The following COLEC10 variants were observed in gnomAD, a reference collection of about 807,000 sequenced individuals.
COLEC10 encodes the protein collectin subfamily member 10, also known as collectin-10.
In COLEC10, 22 loss-of-function variants were observed where a neutral mutation model predicts 28.4. That is an observed-to-expected ratio of 0.78 (90% CI 0.55 to 1.11). The LOEUF (loss-of-function observed/expected upper bound fraction) is 1.11. Among genes scored for constraint, COLEC10 ranks in the 50% least tolerant of loss-of-function variants. The probability of loss-of-function intolerance (pLI) is 0.00; values close to 1 mark genes in which losing one functional copy is unlikely to be tolerated. For synonymous variants in COLEC10, 125 were observed against 116.1 expected, an observed-to-expected ratio of 1.08 and a Z score of -0.49; for missense variants, 361 against 344.1, an observed-to-expected ratio of 1.05 and a Z score of -0.39.
At chr8:119,064,550 A>T (rs936994370), upstream of COLEC10, among the ~76,000 whole-genome samples, 104 of 152,354 alleles carry the variant, frequency 6.8e-4, no homozygotes, top group African/African-American at 2.5e-3. Context: ...TTACATGCCT[A>T]GTGGCAATTG....
chr8:118,953,794 T>C, the COLEC10 span, among the ~76,000 whole-genome samples: 1 of 152,220 alleles, frequency 6.6e-6, no homozygotes, highest in African/African-American at 2.4e-5. Context: ...TACTGGCCTT[T>C]GTAACCTAGA....
At chr8:119,101,870 C>A (rs1815835424) in intron 3 of COLEC10, among the ~76,000 whole-genome samples, 1 of 152,018 alleles carries the variant, frequency 6.6e-6, no homozygotes, top group South Asian at 2.1e-4. Context: ...ATAATAAGTA[C>A]AAAGACACTA....
At chr8:119,057,457 A>G (rs1375861691) in intron 2 of COLEC10, among the ~76,000 whole-genome samples, 3 of 152,012 alleles carry the variant, frequency 2.0e-5, no homozygotes, top group Admixed American at 1.3e-4. Context: ...TCCTGATCCA[A>G]CCTAGATCAG....
intron 1 of COLEC10, among the ~76,000 whole-genome samples, chr8:119,002,393 A>G (rs11990686): frequency 0.13 from 19,680 of 152,144 alleles, 1,387 homozygotes; most frequent in Middle Eastern, 0.23. Flanking sequence ...CGTTTGGATT[A>G]TTAAAAGCTA....
chr8:119,000,909 G>A (rs2130061327), intron 1 of COLEC10, among the ~76,000 whole-genome samples: 1 of 139,846 alleles, frequency 7.2e-6, no homozygotes, highest in South Asian at 2.3e-4. Flanking sequence ...TGATGATAAA[G>A]TCAACCATAA....
upstream of COLEC10, among the ~76,000 whole-genome samples, chr8:119,063,737 A>C (rs941932039): frequency 3.9e-5 from 6 of 152,016 alleles, no homozygotes; most frequent in African/African-American, 1.2e-4. Context: ...TTCACAAAAA[A>C]AAAAAAGAAA....
chr8:119,033,146 A>G (rs1285061078), intron 2 of COLEC10, among the ~76,000 whole-genome samples: 1 of 152,176 alleles, frequency 6.6e-6, no homozygotes, highest in African/African-American at 2.4e-5. Flanking sequence ...CATGGGGCTG[A>G]ACGTAACAGC....
intron 2 of COLEC10, among the ~76,000 whole-genome samples, chr8:119,023,324 T>C (rs78897294): frequency 0.044 from 6,692 of 152,280 alleles, 217 homozygotes; most frequent in East Asian, 0.16. Context: ...ATTTGTTTCA[T>C]GTATGTATCT....
At chr8:118,963,533 T>A in the COLEC10 span, among the ~76,000 whole-genome samples, 1 of 152,242 alleles carries the variant, frequency 6.6e-6, no homozygotes, top group African/African-American at 2.4e-5. Flanking sequence ...TAACGTGAAA[T>A]ATCCTATTTC....
chr8:119,087,380 A>C (rs79658150), intron 1 of COLEC10, among the ~76,000 whole-genome samples: 1 of 152,192 alleles, frequency 6.6e-6, no homozygotes, highest in Non-Finnish European at 1.5e-5. Context: ...GTCTGGGAGT[A>C]TTAGAAAGGA....
intron 3 of COLEC10, among the ~76,000 whole-genome samples, chr8:119,092,761 C>G (rs962673712): frequency 2.6e-5 from 4 of 151,990 alleles, no homozygotes; most frequent in Non-Finnish European, 4.4e-5. Flanking sequence ...CAAAAATTAA[C>G]TGGGTGTGGT....
At chr8:119,010,194 G>A (rs1813879694) in intron 2 of COLEC10, among the ~76,000 whole-genome samples, 1 of 150,538 alleles carries the variant, frequency 6.6e-6, no homozygotes, top group Middle Eastern at 3.2e-3. Context: ...CCTAACCCCT[G>A]GCAGCCACTG....
rs559463466 is a variant in COLEC10 at position 119,008,800 on chromosome 8, C to T, written n.123-641C>T. On this transcript the variant is annotated intron_variant and non_coding_transcript_variant, in intron 1 of 6. Transcript: ENST00000521788. ...GCCATTAAAAGTAAACCTTTTGAGC[C>T]GCTGTTCCTCCCATATAAAATAGGG... is the stretch of plus-strand genomic sequence containing the variant. Among the ~76,000 whole-genome samples, 24 of 150,924 alleles carry T rather than the reference C, an allele frequency of 1.6e-4. 1 individual carries two copies. The highest frequency in any genetic ancestry group is 4.7e-4 in the African/African-American group (19 of 40,378).
the COLEC10 span, among the ~76,000 whole-genome samples, chr8:118,977,179 G>A: frequency 3.4e-5 from 5 of 145,076 alleles, no homozygotes; most frequent in Non-Finnish European, 7.7e-5. Context: ...AACCATTGTG[G>A]AAGTCAGTGT....
rs774339997 is a variant in COLEC10 at position 119,106,504 on chromosome 8, C to G, written c.*313C>G. On this transcript the variant is annotated 3_prime_UTR_variant, in exon 6 of 6. Transcript: ENST00000332843. ...GTTCTCTTGGTATTTGCTCTACCAT[C>G]TCTCCCTAGAGCACTCTGTGTCTAT... The G allele has an allele frequency of 1.8e-4, 49 of 266,080 alleles. No homozygotes were observed. The highest frequency in any genetic ancestry group is 3.3e-4 in the Non-Finnish European group (45 of 135,274). 16.5% of individuals were successfully genotyped at this position (266,080 alleles called of 1,614,324 possible).
chr8:119,034,963 T>C (rs1446125396), intron 2 of COLEC10, among the ~76,000 whole-genome samples: 3 of 152,276 alleles, frequency 2.0e-5, no homozygotes, highest in African/African-American at 4.8e-5. Context: ...ACTAATCATA[T>C]GTCCAAAAAT....
At chr8:119,082,439 T>C (rs966132458) in intron 1 of COLEC10, among the ~76,000 whole-genome samples, 1 of 152,228 alleles carries the variant, frequency 6.6e-6, no homozygotes, top group Non-Finnish European at 1.5e-5. Flanking sequence ...TATTGAGCAA[T>C]CACCTATTTA....
rs148027998 is a variant in COLEC10, at chr8:119,048,017, A to G, written n.235+38464A>G. Among the ~76,000 whole-genome samples the G allele has an allele frequency of 2.5e-3, 387 of 152,286 alleles. 2 individuals carry two copies. The highest frequency in any genetic ancestry group is 9.0e-3 in the African/African-American group (374 of 41,552). On this transcript the variant is annotated intron_variant and non_coding_transcript_variant, in intron 2 of 6. Coordinates refer to the COLEC10 transcript ENST00000521788. ...ATTTGAAAAGTTGGGGGTTTTTTAA[A>G]TTATCTTTTTCCAGCTTTTATTTTA...
At chr8:119,049,094 G>A (rs1014638084) in intron 2 of COLEC10, among the ~76,000 whole-genome samples, 5 of 152,036 alleles carry the variant, frequency 3.3e-5, no homozygotes, top group African/African-American at 1.2e-4. Context: ...CCCTTATGAA[G>A]CTTAGTTTTC....
Sources: allele counts gnomAD v4.1 joint callset (sites outside exome capture counted in the v4.1 genomes callset), GRCh38; gene constraint gnomAD v4.1.1; transcripts MANE v1.5; gene names NCBI Gene and HGNC (gene_info 2026-07-23, HGNC 2026-07-21).